OVOL2: variants seen among roughly 807,000 people sequenced by gnomAD.
OVOL2 encodes ovo like zinc finger 2, also known as transcription factor Ovo-like 2.
A neutral mutation model predicts 18.1 loss-of-function variants in OVOL2; 13 were observed. The ratio of observed to expected loss-of-function variants is 0.72; its 90% CI spans 0.47 to 1.14. The LOEUF is 1.14. OVOL2 is among the 50% of genes most tolerant of loss of function. The pLI is 0.00. For synonymous variants in OVOL2, 166 were observed against 162.7 expected, an observed-to-expected ratio of 1.02 and a Z score of -0.16; for missense variants, 335 against 383.0, an observed-to-expected ratio of 0.87 and a Z score of 1.05.
intron 3 of OVOL2, among the ~76,000 whole-genome samples, chr20:18,026,959 A>C (rs1266495613): frequency 6.6e-6 from 1 of 152,168 alleles, no homozygotes; most frequent in Non-Finnish European, 1.5e-5. Flanking sequence ...GGGCGGACAG[A>C]GGGAGGGGCC....
In OVOL2 at chr20:18,041,656, A is replaced by C; in HGVS notation, c.389T>G (p.Leu130Arg). Residue 130 changes from leucine to arginine, a missense_variant, in exon 3 of 4, where the codon CTG becomes CGG. Leu to Arg is a moderately radical substitution (Grantham distance 102). Transcript: ENST00000278780. ...SCDLCGKGFR[L>R]QRMLNRHLKC... is the part of the protein sequence containing the mutation. Reference sequence around the variant, plus strand: ...GAGGTGACGGTTCAGCATGCGCTGCAGACGGAAGCCCTTGCCACACAGGTC... The same window carrying C: ...GAGGTGACGGTTCAGCATGCGCTGCCGACGGAAGCCCTTGCCACACAGGTC... 6.2e-7 allele frequency: 1 copy of C among 1,614,058 alleles called. No homozygotes were observed. Among genetic ancestry groups the C allele is most frequent in the Non-Finnish European group, 8.5e-7 (1 of 1,180,010 alleles).
At chr20:18,045,329 A>G (rs760588147) in intron 2 of OVOL2, among the ~76,000 whole-genome samples, 6 of 152,272 alleles carry the variant, frequency 3.9e-5, no homozygotes, top group African/African-American at 4.8e-5. Context: ...TGGTAATTCC[A>G]GTTAAAATTA....
intron 3 of OVOL2, among the ~76,000 whole-genome samples, chr20:18,031,484 G>A (rs2036570079): frequency 6.6e-6 from 1 of 152,178 alleles, no homozygotes; most frequent in African/African-American, 2.4e-5. Context: ...GGCCAGGGCA[G>A]GAGAATCGCT....
At chr20:18,041,309 G>C (rs564519598) in intron 3 of OVOL2, among the ~76,000 whole-genome samples, 20,783 of 151,804 alleles carry the variant, frequency 0.14, 2,236 homozygotes, top group African/African-American at 0.3. Flanking sequence ...GATTACAGGC[G>C]CCACCACCAC....
intron 3 of OVOL2, among the ~76,000 whole-genome samples, chr20:18,027,664 C>T (rs1007231173): frequency 1.2e-4 from 18 of 151,948 alleles, no homozygotes; most frequent in Non-Finnish European, 1.2e-4. Flanking sequence ...GGCACCATCT[C>T]GGCTCACTGC....
At chr20:18,029,553 C>T (rs1162342226) in intron 3 of OVOL2, among the ~76,000 whole-genome samples, 1 of 152,192 alleles carries the variant, frequency 6.6e-6, no homozygotes, top group African/African-American at 2.4e-5. Context: ...AAGGCTTACA[C>T]TTGCCATTGC....
intron 2 of OVOL2, among the ~76,000 whole-genome samples, chr20:18,051,359 A>C (rs1466550528): frequency 6.6e-6 from 1 of 152,150 alleles, no homozygotes; most frequent in African/African-American, 2.4e-5. Context: ...GAACTGTGCC[A>C]CTGGAAAACC....
intron 2 of OVOL2, among the ~76,000 whole-genome samples, chr20:18,051,835 C>T (rs549704636): frequency 2.0e-5 from 3 of 152,232 alleles, no homozygotes; most frequent in Middle Eastern, 3.4e-3. Context: ...TGGGTTCAAG[C>T]GATTCTCCTG....
intron 2 of OVOL2, among the ~76,000 whole-genome samples, chr20:18,048,358 T>C (rs537616693): frequency 6.6e-6 from 1 of 151,732 alleles, no homozygotes; most frequent in South Asian, 2.1e-4. Context: ...AAAGGGGAAC[T>C]AAAAAAAACA....
At chr20:18,042,885 T>C (rs1360450338) in intron 2 of OVOL2, among the ~76,000 whole-genome samples, 2 of 151,950 alleles carry the variant, frequency 1.3e-5, no homozygotes, top group African/African-American at 4.8e-5. Context: ...GGAAGCTTCC[T>C]GAGGGCCTCA....
intron 3 of OVOL2, among the ~76,000 whole-genome samples, chr20:18,029,325 G>A (rs1335285130): frequency 2.0e-5 from 3 of 152,024 alleles, no homozygotes; most frequent in African/African-American, 4.8e-5. Flanking sequence ...CACCACGCCC[G>A]GCCTACATAT....
At chr20:18,035,682 C>T (rs1038005180) in intron 3 of OVOL2, among the ~76,000 whole-genome samples, 6 of 152,302 alleles carry the variant, frequency 3.9e-5, no homozygotes, top group African/African-American at 2.4e-5. Context: ...AGGAAGCCCC[C>T]GGCTGCTCTT....
At chr20:18,027,456 A>G (rs2036529477) in intron 3 of OVOL2, among the ~76,000 whole-genome samples, 1 of 151,462 alleles carries the variant, frequency 6.6e-6, no homozygotes, top group African/African-American at 2.4e-5. Context: ...TGAACCCAGG[A>G]GGCAGAAGTT....
At position 18,056,630 on chromosome 20, in the gene OVOL2, G is replaced by A. The variant is rs772430352; in HGVS notation, c.321+27C>T. 4.4e-6 allele frequency: 6 copies of A among 1,374,414 alleles called. No individual in the cohort carries two copies. The highest frequency in any genetic ancestry group is 4.7e-6 in the Non-Finnish European group (5 of 1,062,488). 85.1% of individuals were successfully genotyped at this position (1,374,414 alleles called of 1,614,324 possible). On this transcript the variant is annotated intron_variant, in intron 2 of 3. Transcript: ENST00000278780. This position sits in a 1 kb window ranked among gnomAD's most constrained non-coding sequence, Gnocchi z 4.2. Reference sequence around the variant, plus strand: ...CCGACGCCAGGGCGTGGTGCAGGTGGCGGCGGGGGCAGAGTCGACACAGTA... The same window carrying A: ...CCGACGCCAGGGCGTGGTGCAGGTGACGGCGGGGGCAGAGTCGACACAGTA...
chr20:18,032,735 GACCTCAAGTGAT>G (rs2036583039), intron 3 of OVOL2, among the ~76,000 whole-genome samples: 1 of 152,106 alleles, frequency 6.6e-6, no homozygotes, highest in Non-Finnish European at 1.5e-5. Context: ...TCAAACTCCT[GACCTCAAGTGAT>G]CAGCCCGCCT....
intron 2 of OVOL2, among the ~76,000 whole-genome samples, chr20:18,045,237 T>C (rs2036714538): frequency 2.0e-5 from 3 of 152,188 alleles, no homozygotes; most frequent in Admixed American, 2.0e-4. Flanking sequence ...ACTAAGTACT[T>C]TGAGCTTCTA....
intron 3 of OVOL2, among the ~76,000 whole-genome samples, chr20:18,027,017 A>T (rs975891989): frequency 1.3e-5 from 2 of 152,166 alleles, no homozygotes; most frequent in African/African-American, 2.4e-5. Flanking sequence ...TACCTGGGTG[A>T]CGGGATCATC....
intron 3 of OVOL2, among the ~76,000 whole-genome samples, chr20:18,033,733 G>A (rs770027411): frequency 2.0e-5 from 3 of 152,082 alleles, no homozygotes; most frequent in Non-Finnish European, 4.4e-5. Flanking sequence ...GAGTAGGGAG[G>A]GTGTGGACAC....
chr20:18,056,787 T>C lies in OVOL2; in HGVS notation c.191A>G (p.Glu64Gly), dbSNP rs2122732036. 1 of 1,499,362 alleles carries C rather than the reference T, an allele frequency of 6.7e-7. No homozygotes were observed. Among genetic ancestry groups the C allele is most frequent in the Non-Finnish European group, 8.8e-7 (1 of 1,131,992 alleles). 92.9% of individuals were successfully genotyped at this position (1,499,362 alleles called of 1,614,324 possible). The change falls in exon 2 of 4, where the codon GAG (glutamate) becomes GGG (glycine). Residue 64 changes from glutamate to glycine, a missense_variant. Coordinates refer to ENST00000278780, the MANE Select transcript of OVOL2 (RefSeq NM_021220.4). This position sits in a 1 kb window ranked among gnomAD's most constrained non-coding sequence, Gnocchi z 4.2. ...SSGSGSSSAG[E>G]PGGAESSSSP... ...CGAGCTGCTCTCTGCTCCTCCAGGC[T>C]CCCCCGCGCTGCTGCTGCCGCTGCC...
Sources: allele counts gnomAD v4.1 joint callset (sites outside exome capture counted in the v4.1 genomes callset), GRCh38; gene constraint gnomAD v4.1.1; non-coding constraint Gnocchi (gnomAD v3.1); transcripts MANE v1.5; gene names NCBI Gene and HGNC (gene_info 2026-07-23, HGNC 2026-07-21).